DYM: variants seen among roughly 807,000 people sequenced by gnomAD.
DYM encodes dyggve-Melchior-Clausen syndrome protein.
DYM carries 78 observed loss-of-function variants against 93.1 expected under a neutral mutation model. The ratio of observed to expected loss-of-function variants is 0.84; its 90% CI spans 0.70 to 1.01. DYM has a LOEUF of 1.01. Ranked by LOEUF, DYM falls within the 50% of genes least tolerant of loss-of-function variation. DYM has a pLI of 0.00. For missense variants in DYM, 789 were observed against 845.0 expected (o/e 0.93, Z 0.82); for synonymous variants, 321 against 319.7 (o/e 1.00, Z -0.04).
chr18:49,376,845 G>C (rs1223685723), intron 5 of DYM, among the ~76,000 whole-genome samples: 1 of 152,132 alleles, frequency 6.6e-6, no homozygotes, highest in Non-Finnish European at 1.5e-5. Context: ...AATACACTGA[G>C]GATAAGAATG....
At chr18:49,401,473 C>T (rs929861582) in intron 2 of DYM, among the ~76,000 whole-genome samples, 1 of 152,106 alleles carries the variant, frequency 6.6e-6, no homozygotes, top group African/African-American at 2.4e-5. Flanking sequence ...GATACATGTA[C>T]ACACTGTGAA....
intron 13 of DYM, among the ~76,000 whole-genome samples, chr18:49,220,155 T>C (rs1445464127): frequency 6.6e-6 from 1 of 152,092 alleles, no homozygotes; most frequent in African/African-American, 2.4e-5. Flanking sequence ...CCATTCACAA[T>C]TGCTTCAAAG....
At chr18:49,410,695 C>G (rs1020467935) in intron 2 of DYM, among the ~76,000 whole-genome samples, 8 of 151,596 alleles carry the variant, frequency 5.3e-5, no homozygotes, top group African/African-American at 1.9e-4. Flanking sequence ...CCTGTAGTCC[C>G]AGCTGCTCCT....
At chr18:49,454,008 C>T (rs978628772) in intron 1 of DYM, among the ~76,000 whole-genome samples, 1 of 152,208 alleles carries the variant, frequency 6.6e-6, no homozygotes, top group Non-Finnish European at 1.5e-5. Flanking sequence ...ACCAGTGTTA[C>T]AACCCATCAG....
Position 49,281,984 on chromosome 18 carries a change from G to A in DYM, c.1125+13C>T, listed in dbSNP as rs746979293. ...AAAATACAAACGCATGGAATGTTTA[G>A]TATGATACTTACAAGATTTTCCATA... is the stretch of plus-strand genomic sequence containing the variant. On this transcript the variant is annotated intron_variant, in intron 10 of 17. Coordinates refer to ENST00000675505, the MANE Select transcript of DYM (RefSeq NM_001353214.3). 2.5e-6 allele frequency: 4 copies of A among 1,611,610 alleles called. No homozygotes were observed. Among genetic ancestry groups the A allele is most frequent in the Non-Finnish European group, 3.4e-6 (4 of 1,178,354 alleles).
At chr18:49,390,524 T>C (rs559831293) in intron 3 of DYM, among the ~76,000 whole-genome samples, 52 of 152,136 alleles carry the variant, frequency 3.4e-4, no homozygotes, top group Non-Finnish European at 3.5e-4. Context: ...TTAATGTTTT[T>C]TGAGACAGAG....
intron 15 of DYM, among the ~76,000 whole-genome samples, chr18:49,133,238 C>T (rs2083533200): frequency 6.6e-6 from 1 of 152,146 alleles, no homozygotes; most frequent in South Asian, 2.1e-4. Context: ...TTTGTCCCTA[C>T]AATTCTAATA....
intron 14 of DYM, among the ~76,000 whole-genome samples, chr18:49,194,810 T>G (rs1422368138): frequency 6.6e-6 from 1 of 152,210 alleles, no homozygotes; most frequent in Non-Finnish European, 1.5e-5. Context: ...TAAGTCATTT[T>G]GAATTAAAAA....
chr18:49,259,042 G>A (rs547333073), intron 11 of DYM, among the ~76,000 whole-genome samples: 4 of 151,372 alleles, frequency 2.6e-5, no homozygotes, highest in Non-Finnish European at 5.9e-5. Context: ...GTTCTCTTTC[G>A]TTAAGGTTAC....
chr18:49,345,885 T>G (rs2064549158), intron 6 of DYM, among the ~76,000 whole-genome samples: 1 of 152,158 alleles, frequency 6.6e-6, no homozygotes. Context: ...GAGCAAAGGA[T>G]ATGAGCAAAA....
At chr18:49,259,269 T>C (rs983692993) in intron 11 of DYM, among the ~76,000 whole-genome samples, 1 of 152,198 alleles carries the variant, frequency 6.6e-6, no homozygotes, top group African/African-American at 2.4e-5. Context: ...TGTTTATAAC[T>C]ACAGATGAAT....
chr18:49,166,574 C>T (rs572743022), intron 14 of DYM, among the ~76,000 whole-genome samples: 78 of 148,966 alleles, frequency 5.2e-4, no homozygotes, highest in African/African-American at 1.8e-3. Context: ...TCCATATTTT[C>T]GAGTATGTAA....
intron 16 of DYM, among the ~76,000 whole-genome samples, chr18:49,097,882 T>TCTCTCG (rs1167936407): frequency 8.4e-6 from 1 of 118,632 alleles, no homozygotes; most frequent in Non-Finnish European, 1.7e-5. Context: ...TAGCTCTCTC[T>TCTCTCG]CTCTCTCTCT....
At chr18:49,273,307 GCT>G (rs2094760301) in intron 10 of DYM, among the ~76,000 whole-genome samples, 2 of 152,288 alleles carry the variant, frequency 1.3e-5, no homozygotes, top group South Asian at 4.1e-4. Context: ...AGCAGTCATT[GCT>G]CTGTCTCTTT....
intron 8 of DYM, among the ~76,000 whole-genome samples, chr18:49,311,417 A>AT: frequency 6.6e-6 from 1 of 152,344 alleles, no homozygotes; most frequent in Non-Finnish European, 1.5e-5. Flanking sequence ...GTCTGTAAGA[A>AT]TTCACATAAA....
chr18:49,046,533 GACACACAGACACAAC>G (rs1237675860), intron 17 of DYM, among the ~76,000 whole-genome samples: 7 of 149,142 alleles, frequency 4.7e-5, no homozygotes, highest in East Asian at 2.0e-4. Context: ...ACACACACCA[GACACACAGACACAAC>G]ACACACAGAC....
At chr18:49,418,331 C>G (rs950863355) in intron 2 of DYM, among the ~76,000 whole-genome samples, 1 of 152,020 alleles carries the variant, frequency 6.6e-6, no homozygotes, top group African/African-American at 2.4e-5. Flanking sequence ...TGTATAAAAT[C>G]AGTCATATAA....
intron 8 of DYM, among the ~76,000 whole-genome samples, chr18:49,287,935 T>G (rs2059773285): frequency 6.6e-6 from 1 of 151,778 alleles, no homozygotes; most frequent in South Asian, 2.1e-4. Context: ...AATTACACTG[T>G]GCTATAAGTG....
intron 8 of DYM, among the ~76,000 whole-genome samples, chr18:49,319,865 A>C (rs1455267362): frequency 6.6e-6 from 1 of 152,206 alleles, no homozygotes; most frequent in East Asian, 1.9e-4. Context: ...TGTCCTGCAG[A>C]AGTGAGATGA....
Sources: gnomAD v4.1 joint callset for allele counts (sites outside exome capture counted in the v4.1 genomes callset) on GRCh38, gnomAD v4.1.1 for gene constraint, MANE v1.5 for transcripts, NCBI Gene and HGNC (gene_info 2026-07-23, HGNC 2026-07-21) for gene names.